Variants in ATRNL1 observed in about 807,000 individuals in gnomAD.
The protein encoded by ATRNL1 is attractin-like protein 1.
In ATRNL1, 95 loss-of-function variants were observed where a neutral mutation model predicts 182.7. The observed-to-expected ratio is 0.52, with a 90% CI of 0.44 to 0.62. The LOEUF (loss-of-function observed/expected upper bound fraction) is 0.62, where lower values mean the gene tolerates loss of function less well. Ranked by LOEUF, ATRNL1 falls within the 20% of genes least tolerant of loss-of-function variation. The pLI, the probability that ATRNL1 is intolerant of heterozygous loss-of-function variation, is 0.00. For missense variants in ATRNL1, 1,471 were observed against 1,679.5 expected, an observed-to-expected ratio of 0.88 and a Z score of 2.17; for synonymous variants, 576 against 568.3, an observed-to-expected ratio of 1.01 and a Z score of -0.19.
At chr10:115,237,359 T>C (rs1440063960) in intron 9 of ATRNL1, among the ~76,000 whole-genome samples, 1 of 152,208 alleles carries the variant, frequency 6.6e-6, no homozygotes, top group Non-Finnish European at 1.5e-5. Flanking sequence ...CCAGCAGCGA[T>C]GAATGAGAGT....
chr10:115,525,541 A>T (rs1851167811), intron 25 of ATRNL1, among the ~76,000 whole-genome samples: 1 of 152,164 alleles, frequency 6.6e-6, no homozygotes, highest in South Asian at 2.1e-4. Context: ...CTTAATGCAT[A>T]GTTTGTCCTC....
intron 27 of ATRNL1, among the ~76,000 whole-genome samples, chr10:115,802,769 AAT>A (rs1324188077): frequency 7.9e-5 from 12 of 152,192 alleles, no homozygotes; most frequent in African/African-American, 2.7e-4. Context: ...ACTTAAAAGA[AAT>A]TAAGTCAGAA....
At chr10:115,848,018 G>A in intron 28 of ATRNL1, 27 bp downstream of exon 28, 1 of 1,304,892 alleles carries the variant, frequency 7.7e-7, no homozygotes, top group Non-Finnish European at 1.1e-6. Context: ...GCCTTCAGCA[G>A]TTAAGCAAAA....
At chr10:115,834,587 A>G (rs1950627707) in intron 27 of ATRNL1, among the ~76,000 whole-genome samples, 1 of 152,188 alleles carries the variant, frequency 6.6e-6, no homozygotes, top group South Asian at 2.1e-4. Flanking sequence ...TAATATGATC[A>G]GTTTCTACTT....
intron 26 of ATRNL1, among the ~76,000 whole-genome samples, chr10:115,571,846 T>G (rs1202871567): frequency 6.6e-6 from 1 of 151,976 alleles, no homozygotes; most frequent in East Asian, 1.9e-4. Flanking sequence ...AATATTCCTA[T>G]TCATATAAGA....
chr10:115,539,899 C>T (rs1305102372), intron 25 of ATRNL1, among the ~76,000 whole-genome samples: 1 of 144,954 alleles, frequency 6.9e-6, no homozygotes, highest in Non-Finnish European at 1.5e-5. Context: ...TTTCTGACCA[C>T]ATGATGGAAA....
intron 19 of ATRNL1, among the ~76,000 whole-genome samples, chr10:115,338,522 C>T (rs573684625): frequency 1.3e-5 from 2 of 152,130 alleles, no homozygotes; most frequent in Non-Finnish European, 2.9e-5. Context: ...ATTTGTATGT[C>T]TTCTTTTGAG....
intron 25 of ATRNL1, among the ~76,000 whole-genome samples, chr10:115,545,749 G>A (rs1554993510): frequency 6.6e-6 from 1 of 152,168 alleles, no homozygotes; most frequent in African/African-American, 2.4e-5. Flanking sequence ...CTGAATATAA[G>A]TAACTTTTCT....
At chr10:115,685,997 C>A (rs1946205630) in intron 26 of ATRNL1, among the ~76,000 whole-genome samples, 1 of 151,278 alleles carries the variant, frequency 6.6e-6, no homozygotes, top group Admixed American at 6.6e-5. Flanking sequence ...TTTTGAGTTA[C>A]CATACATAGA....
chr10:115,115,428 A>G (rs1844439362), intron 1 of ATRNL1, among the ~76,000 whole-genome samples: 1 of 152,134 alleles, frequency 6.6e-6, no homozygotes. Context: ...AAAAATATGT[A>G]TGTGGGGTGA....
chr10:115,208,391 T>A (rs1168254399), intron 8 of ATRNL1, among the ~76,000 whole-genome samples: 1 of 152,136 alleles, frequency 6.6e-6, no homozygotes, highest in African/African-American at 2.4e-5. Context: ...TTTTCATATG[T>A]TTTAGGCATG....
intron 27 of ATRNL1, among the ~76,000 whole-genome samples, chr10:115,778,991 A>G (rs1464836531): frequency 6.6e-6 from 1 of 152,204 alleles, no homozygotes; most frequent in Non-Finnish European, 1.5e-5. Flanking sequence ...AGAATTGCCA[A>G]TACATGATAA....
intron 26 of ATRNL1, among the ~76,000 whole-genome samples, chr10:115,724,110 G>T (rs1472494781): frequency 6.6e-6 from 1 of 152,040 alleles, no homozygotes; most frequent in African/African-American, 2.4e-5. Context: ...CTTCTTATGG[G>T]TATACAAAAT....
intron 17 of ATRNL1, among the ~76,000 whole-genome samples, chr10:115,305,228 C>G (rs1164108677): frequency 6.6e-6 from 1 of 151,962 alleles, no homozygotes; most frequent in Non-Finnish European, 1.5e-5. Context: ...CTCAGTGGTC[C>G]AGTCAAATAT....
In ATRNL1 at chr10:115,096,786, C is replaced by T. The variant is rs1264777; in HGVS notation, c.293+2743C>T. On this transcript the variant is annotated intron_variant, in intron 1 of 28. Transcript: ENST00000355044. ...TAGCATTGATTCCAGTCTTCTGTTT[C>T]CATTTGAAAAGAATAAAGCACTCAG... The T allele has an allele frequency of 8.3e-3, 10,256 of 1,234,720 alleles. 640 individuals are homozygous for T. In the African/African-American group the frequency reaches 0.14, roughly 17 times the overall value. 76.5% of individuals were successfully genotyped at this position (1,234,720 alleles called of 1,614,324 possible). A position where few individuals can be genotyped will look rare whatever the true frequency, so the allele number is the denominator to read the frequency against.
At chr10:115,435,675 T>C (rs1554964700) in intron 21 of ATRNL1, among the ~76,000 whole-genome samples, 1 of 152,162 alleles carries the variant, frequency 6.6e-6, no homozygotes, top group Non-Finnish European at 1.5e-5. Flanking sequence ...TTACTACTTT[T>C]CTCTCTCAAG....
intron 26 of ATRNL1, among the ~76,000 whole-genome samples, chr10:115,725,422 A>G (rs1378993474): frequency 6.6e-6 from 1 of 152,128 alleles, no homozygotes; most frequent in African/African-American, 2.4e-5. Flanking sequence ...CATTAATTCT[A>G]TTTTGTAGAC....
intron 27 of ATRNL1, among the ~76,000 whole-genome samples, chr10:115,835,962 C>A (rs955453456): frequency 4.6e-5 from 7 of 152,208 alleles, no homozygotes; most frequent in East Asian, 1.9e-4. Context: ...TCTGTCCCCC[C>A]ACACCGATGT....
intron 26 of ATRNL1, among the ~76,000 whole-genome samples, chr10:115,612,002 G>A (rs1035700525): frequency 1.8e-4 from 27 of 152,288 alleles, no homozygotes; most frequent in Admixed American, 7.8e-4. Flanking sequence ...TATAATTCCA[G>A]CACGCTGGGA....
Sources: gnomAD v4.1 joint callset for allele counts (sites outside exome capture counted in the v4.1 genomes callset) on GRCh38, gnomAD v4.1.1 for gene constraint, MANE v1.5 for transcripts, NCBI Gene and HGNC (gene_info 2026-07-23, HGNC 2026-07-21) for gene names.